The following MITF variants were observed in gnomAD, a reference collection of about 807,000 sequenced individuals.
The protein encoded by MITF is microphthalmia-associated transcription factor.
Under a neutral mutation model 60.5 loss-of-function variants are expected in MITF, and 17 were observed. That is an observed-to-expected ratio of 0.28 (90% CI 0.19 to 0.42). The LOEUF is 0.42. Among genes scored for constraint, MITF ranks in the 10% least tolerant of loss-of-function variants. The pLI is 1.00. For synonymous variants in MITF, 260 were observed against 248.5 expected (o/e 1.05, Z -0.43); for missense variants, 622 against 683.5 (o/e 0.91, Z 1.00).
chr3:69,786,927 G>A (rs757756951), intron 1 of MITF, among the ~76,000 whole-genome samples: 2 of 152,106 alleles, frequency 1.3e-5, no homozygotes, highest in Non-Finnish European at 2.9e-5. Context: ...CATAGGCCTG[G>A]AGTTATCATC....
chr3:69,846,190 GATCTAAATTAAA>G (rs1559670307), intron 1 of MITF, among the ~76,000 whole-genome samples: 2 of 150,820 alleles, frequency 1.3e-5, no homozygotes, highest in African/African-American at 2.4e-5. Flanking sequence ...AATTAAATGA[GATCTAAATTAAA>G]TGAGCTGTGC....
Position 69,787,002 on chromosome 3 carries a change from C to T in MITF, c.104+47301C>T, listed in dbSNP as rs181357841. 2.0e-3 allele frequency among the ~76,000 whole-genome samples: 301 copies of T among 152,234 alleles called. 1 individual carries two copies. Among genetic ancestry groups the T allele is most frequent in the Non-Finnish European group, 3.3e-3 (227 of 68,014 alleles). On this transcript the variant is annotated intron_variant, in intron 1 of 9. Transcript: ENST00000352241. ...GTGTTATGTCACTTTTAGAGTGTTG[C>T]TGGTTCCACTTCGTGATGATAAGAT...
At chr3:69,803,210 G>A (rs1216238711) in intron 1 of MITF, among the ~76,000 whole-genome samples, 2 of 152,214 alleles carry the variant, frequency 1.3e-5, no homozygotes, top group Non-Finnish European at 2.9e-5. Flanking sequence ...TTATGAAGCT[G>A]TGTGTTTGGA....
At chr3:69,828,554 A>G (rs929429632) in intron 1 of MITF, among the ~76,000 whole-genome samples, 1 of 151,978 alleles carries the variant, frequency 6.6e-6, no homozygotes, top group Non-Finnish European at 1.5e-5. Flanking sequence ...AAATGTTTCT[A>G]TAAGTCTGTG....
intron 9 of MITF, 111 bp from the exon 10 acceptor site, chr3:69,964,736 A>G (rs1234719859): frequency 1.5e-5 from 8 of 523,194 alleles, no homozygotes; most frequent in South Asian, 8.5e-5. Context: ...GTTTGGCCAA[A>G]TGTCTAATGA....
In MITF at chr3:69,823,467, T is replaced by A. The variant is rs1575769416; in HGVS notation, c.105-55667T>A. ...TCCCCAGAGAGCCAAAGAAGCTCTC[T>A]GGTGTCTCTTCTAATAAGGGCACTA... is the stretch of plus-strand genomic sequence containing the variant. On this transcript the variant is annotated intron_variant, in intron 1 of 9. Coordinates refer to ENST00000352241, the MANE Select transcript of MITF (RefSeq NM_001354604.2). Among the ~76,000 whole-genome samples the A allele has an allele frequency of 2.0e-5, 3 of 152,292 alleles. No homozygotes were observed. In the South Asian group the frequency reaches 6.2e-4, roughly 32 times the overall value.
At chr3:69,946,902 C>G (rs1272192736) in intron 5 of MITF, among the ~76,000 whole-genome samples, 1 of 152,116 alleles carries the variant, frequency 6.6e-6, no homozygotes, top group African/African-American at 2.4e-5. Flanking sequence ...AGGTATCCCC[C>G]ACGTTGCTCT....
At chr3:69,832,962 T>C (rs569308789) in intron 1 of MITF, among the ~76,000 whole-genome samples, 21 of 151,404 alleles carry the variant, frequency 1.4e-4, no homozygotes, top group African/African-American at 4.6e-4. Context: ...TTTCTCTGTT[T>C]GCACTGTATG....
At chr3:69,860,564 C>T (rs1411658574) in intron 1 of MITF, among the ~76,000 whole-genome samples, 1 of 144,314 alleles carries the variant, frequency 6.9e-6, no homozygotes, top group African/African-American at 2.6e-5. Context: ...CGCCACAGCA[C>T]TCCCGCCTGG....
In MITF at chr3:69,804,675, C is replaced by A. The variant is rs561105220; in HGVS notation, c.104+64974C>A. Among the ~76,000 whole-genome samples the A allele has an allele frequency of 7.2e-4, 109 of 152,310 alleles. 1 individual carries two copies. In the Middle Eastern group the frequency reaches 0.01, roughly 14 times the overall value. Reference sequence around the variant, plus strand: ...TGAGAGCAAGTGTTTTTATTTGACTCTAACATGTATCATTTCAATTTCTTT... The same window carrying A: ...TGAGAGCAAGTGTTTTTATTTGACTATAACATGTATCATTTCAATTTCTTT... On this transcript the variant is annotated intron_variant, in intron 1 of 9. Coordinates refer to ENST00000352241, the MANE Select transcript of MITF (RefSeq NM_001354604.2).
chr3:69,938,120 ACTTAACTGTGGACT>A, intron 3 of MITF, 71 bp downstream of exon 3: 1 of 1,492,348 alleles, frequency 6.7e-7, no homozygotes, highest in Non-Finnish European at 9.3e-7. Flanking sequence ...TGATTCCCAC[ACTTAACTGTGGACT>A]CTAGTTTGTC....
At chr3:69,928,850 TAG>T (rs1031981376) in intron 2 of MITF, among the ~76,000 whole-genome samples, 1 of 152,144 alleles carries the variant, frequency 6.6e-6, no homozygotes, top group African/African-American at 2.4e-5. Flanking sequence ...GGTCTACAGC[TAG>T]AGGTGAAAGC....
At position 69,866,450 on chromosome 3, in the gene MITF, G is replaced by A; in HGVS notation, c.105-12684G>A. ...AAAGGAAGAGAAGGGTTTATTGGGA[G>A]TTAAAAATACTGAAGCTGTTACTTC... On this transcript the variant is annotated intron_variant, in intron 1 of 9. Coordinates refer to ENST00000352241, the MANE Select transcript of MITF (RefSeq NM_001354604.2). 6.9e-6 allele frequency: 9 copies of A among 1,307,132 alleles called. No homozygotes were observed. The South Asian group carries it at 9.3e-5, about 13-fold the overall frequency. The allele number at this position is 1,307,132 out of a possible 1,614,324, so 81.0% of individuals were successfully genotyped here. A position where few individuals can be genotyped will look rare whatever the true frequency, so the allele number is the denominator to read the frequency against.
rs201301032 is a variant in MITF at position 69,874,203 on chromosome 3, C to T, written c.105-4931C>T. On this transcript the variant is annotated intron_variant, in intron 1 of 9. Coordinates refer to ENST00000352241, the MANE Select transcript of MITF (RefSeq NM_001354604.2). Reference sequence around the variant, plus strand: ...GATTATTTTTTACTGAATAAAAATGCTACAATTCCTACTTTATAGCTCATG... The same window carrying T: ...GATTATTTTTTACTGAATAAAAATGTTACAATTCCTACTTTATAGCTCATG... Among the ~76,000 whole-genome samples the T allele has an allele frequency of 2.6e-5, 4 of 152,290 alleles. No individual in the cohort carries two copies. The East Asian group carries it at 7.7e-4, about 29-fold the overall frequency.
At chr3:69,877,307 T>A (rs2064377624) in intron 1 of MITF, among the ~76,000 whole-genome samples, 1 of 152,214 alleles carries the variant, frequency 6.6e-6, no homozygotes, top group Non-Finnish European at 1.5e-5. Context: ...TTAGGAAAAT[T>A]GTCCATCACA....
chr3:69,965,354 A>AT lies in MITF; in HGVS notation c.*114dup. ...CTTGATAATTTTCCTTTAATATGAA[A>AT]TTTTTTTTCATGCTTTATCAATAGC... On this transcript the variant is annotated 3_prime_UTR_variant, in exon 10 of 10. Transcript: ENST00000352241. The AT allele has an allele frequency of 1.1e-5, 14 of 1,248,278 alleles. No individual in the cohort carries two copies. Among genetic ancestry groups the AT allele is most frequent in the Admixed American group, 4.4e-5 (2 of 45,762 alleles). 77.3% of individuals were successfully genotyped at this position (1,248,278 alleles called of 1,614,324 possible). A position where few individuals can be genotyped will look rare whatever the true frequency, so the allele number is the denominator to read the frequency against.
At chr3:69,834,426 T>G (rs1426869776) in intron 1 of MITF, among the ~76,000 whole-genome samples, 1 of 152,204 alleles carries the variant, frequency 6.6e-6, no homozygotes, top group Non-Finnish European at 1.5e-5. Flanking sequence ...CATATGATAT[T>G]TGTCTTTCTG....
At chr3:69,807,107 A>C (rs927244343) in intron 1 of MITF, among the ~76,000 whole-genome samples, 2 of 152,208 alleles carry the variant, frequency 1.3e-5, no homozygotes, top group African/African-American at 4.8e-5. Flanking sequence ...CCCTCCAAGC[A>C]GGTATTCTGG....
intron 2 of MITF, among the ~76,000 whole-genome samples, chr3:69,921,160 C>T (rs537051403): frequency 6.6e-6 from 1 of 152,256 alleles, no homozygotes; most frequent in Admixed American, 6.5e-5. Flanking sequence ...GCGTGAGCCA[C>T]TGCACCCGGC....
Sources: allele counts gnomAD v4.1 joint callset (sites outside exome capture counted in the v4.1 genomes callset), GRCh38; gene constraint gnomAD v4.1.1; transcripts MANE v1.5; gene names NCBI Gene and HGNC (gene_info 2026-07-23, HGNC 2026-07-21).